The following TRAPPC9 variants were observed in gnomAD, a reference collection of about 807,000 sequenced individuals.
TRAPPC9 encodes the protein IKK2 binding protein.
TRAPPC9 carries 83 observed loss-of-function variants against 124.0 expected under a neutral mutation model. That is an observed-to-expected ratio of 0.67 (90% CI 0.56 to 0.80). The LOEUF is 0.80. TRAPPC9 is among the 30% of genes least tolerant of loss of function. TRAPPC9 has a pLI of 0.00. For missense variants in TRAPPC9, 1,302 were observed against 1,508.3 expected (o/e 0.86, Z 2.27); for synonymous variants, 638 against 617.5 (o/e 1.03, Z -0.49).
intron 16 of TRAPPC9, 73 bp from the exon 17 acceptor site, chr8:140,221,656 T>G: frequency 1.3e-6 from 2 of 1,538,250 alleles, no homozygotes; most frequent in Non-Finnish European, 1.8e-6. Flanking sequence ...TGTTGTTGTT[T>G]GGGACGGGTC....
chr8:139,844,678 G>T (rs954082531), intron 21 of TRAPPC9, among the ~76,000 whole-genome samples: 2 of 152,220 alleles, frequency 1.3e-5, no homozygotes, highest in Admixed American at 1.3e-4. Flanking sequence ...CTGCTGGCAT[G>T]GACTGCTGGT....
At chr8:140,328,440 C>T (rs530923124) in intron 9 of TRAPPC9, among the ~76,000 whole-genome samples, 1 of 151,108 alleles carries the variant, frequency 6.6e-6, no homozygotes, top group South Asian at 2.1e-4. Flanking sequence ...TAAAAAGCAA[C>T]CTGGATGAGA....
At chr8:140,217,684 G>A (rs1270997148) in intron 17 of TRAPPC9, among the ~76,000 whole-genome samples, 2 of 152,178 alleles carry the variant, frequency 1.3e-5, no homozygotes, top group African/African-American at 2.4e-5. Flanking sequence ...AACACAGATC[G>A]TGAAAGGGCC....
intron 1 of TRAPPC9, among the ~76,000 whole-genome samples, chr8:140,453,663 T>C (rs998983369): frequency 6.6e-6 from 1 of 152,210 alleles, no homozygotes; most frequent in Non-Finnish European, 1.5e-5. Flanking sequence ...GTATATTACA[T>C]GTGTGTGACT....
chr8:140,010,961 T>G (rs985985393), intron 18 of TRAPPC9, among the ~76,000 whole-genome samples: 6 of 152,188 alleles, frequency 3.9e-5, no homozygotes, highest in Non-Finnish European at 7.3e-5. Flanking sequence ...TGAGGAGACC[T>G]AGATTTACTG....
At chr8:140,398,813 T>C (rs975536243) in intron 6 of TRAPPC9, among the ~76,000 whole-genome samples, 1 of 152,238 alleles carries the variant, frequency 6.6e-6, no homozygotes. Context: ...TTTGCATAAG[T>C]AAGAGGCAGC....
At chr8:140,055,818 T>C (rs1842257046) in intron 17 of TRAPPC9, among the ~76,000 whole-genome samples, 1 of 152,096 alleles carries the variant, frequency 6.6e-6, no homozygotes, top group Non-Finnish European at 1.5e-5. Flanking sequence ...GACTTGTACA[T>C]TGAAAACTAC....
chr8:140,379,353 G>A (rs1364630812), intron 7 of TRAPPC9, among the ~76,000 whole-genome samples: 1 of 152,138 alleles, frequency 6.6e-6, no homozygotes, highest in Non-Finnish European at 1.5e-5. Context: ...TCTTATTTAT[G>A]TGCGACCGTG....
In TRAPPC9 at chr8:139,800,884, TCTTCCCGCCCTCCGGTAC is replaced by T. The variant is rs1349379458; in HGVS notation, c.3056-68700_3056-68683del. Among the ~76,000 whole-genome samples the T allele has an allele frequency of 3.0e-4, 41 of 134,474 alleles. No homozygotes were observed. In the East Asian group the frequency reaches 8.7e-3, roughly 29 times the overall value. 88.2% of individuals were successfully genotyped at this position (134,474 alleles called of 152,430 possible). On this transcript the variant is annotated intron_variant, in intron 21 of 22. Coordinates refer to ENST00000438773, the MANE Select transcript of TRAPPC9 (RefSeq NM_001160372.4). ...CTCCGGTATCTCCCTCCCTCTGGTATCTTCCCGCCCTCCGGTACCTTCCCTCCCTCCGGTACCTTCCCT... is the reference window on the plus strand; with the variant it reads ...CTCCGGTATCTCCCTCCCTCTGGTATCTTCCCTCCCTCCGGTACCTTCCCT...
chr8:140,292,408 C>A lies in TRAPPC9; in HGVS notation c.1769-1330G>T, dbSNP rs570299837. 2.0e-5 allele frequency among the ~76,000 whole-genome samples: 3 copies of A among 152,312 alleles called. No individual in the cohort carries two copies. The South Asian group carries it at 6.2e-4, about 32-fold the overall frequency. The stretch of plus-strand genomic sequence containing the variant: ...CCTCTGAACTCAGAGGCACCCCGAG[C>A]AGACACGGGTGGCTAACAGGGCAGT... On this transcript the variant is annotated intron_variant, in intron 11 of 22. Coordinates refer to ENST00000438773, the MANE Select transcript of TRAPPC9 (RefSeq NM_001160372.4).
chr8:140,195,002 G>C (rs1175544383), intron 17 of TRAPPC9, among the ~76,000 whole-genome samples: 2 of 151,260 alleles, frequency 1.3e-5, no homozygotes, highest in Non-Finnish European at 2.9e-5. Context: ...AGGTTCTACT[G>C]TACAGATCAC....
At chr8:139,801,016 T>TCTTCCCTCCCTCCGGTAC (rs1563823900) in intron 21 of TRAPPC9, among the ~76,000 whole-genome samples, 2 of 126,494 alleles carry the variant, frequency 1.6e-5, no homozygotes, top group African/African-American at 3.2e-5. Flanking sequence ...CCCTCCGGCA[T>TCTTCCCTCCCTCCGGTAC]CTTCCCTCCC....
chr8:140,016,649 C>T (rs1839483675), intron 18 of TRAPPC9, among the ~76,000 whole-genome samples: 1 of 152,170 alleles, frequency 6.6e-6, no homozygotes, highest in Admixed American at 6.5e-5. Flanking sequence ...AGGAGTATTC[C>T]ATTGTGTGGC....
intron 5 of TRAPPC9, among the ~76,000 whole-genome samples, chr8:140,419,428 CAAAAAAAAAAAAA>C (rs61155157): frequency 1.3e-5 from 1 of 79,590 alleles, no homozygotes; most frequent in Admixed American, 1.8e-4. Context: ...GACTCCGTCT[CAAAAAAAAAAAAA>C]AAAAAAAAAA....
chr8:140,019,154 C>A (rs1355704655), intron 18 of TRAPPC9, among the ~76,000 whole-genome samples: 1 of 152,138 alleles, frequency 6.6e-6, no homozygotes, highest in Non-Finnish European at 1.5e-5. Context: ...CTGAGTAAAA[C>A]CTGAATTGTT....
intron 9 of TRAPPC9, among the ~76,000 whole-genome samples, chr8:140,337,262 C>T (rs1036158596): frequency 2.6e-5 from 4 of 152,160 alleles, no homozygotes; most frequent in African/African-American, 7.2e-5. Context: ...CACATGAAGG[C>T]ACATGTTACA....
At chr8:139,996,270 T>C (rs982780848) in intron 18 of TRAPPC9, among the ~76,000 whole-genome samples, 1 of 142,564 alleles carries the variant, frequency 7.0e-6, no homozygotes, top group Non-Finnish European at 1.5e-5. Context: ...AGAAAGAATA[T>C]AAGATAAACA....
chr8:140,373,471 C>G (rs951834396), intron 7 of TRAPPC9, among the ~76,000 whole-genome samples: 1 of 152,210 alleles, frequency 6.6e-6, no homozygotes, highest in Admixed American at 6.5e-5. Flanking sequence ...CAGCGGGAAG[C>G]TGCTGCTTCT....
chr8:140,147,841 G>A (rs914943646), intron 17 of TRAPPC9, among the ~76,000 whole-genome samples: 21 of 152,256 alleles, frequency 1.4e-4, no homozygotes, highest in Non-Finnish European at 2.5e-4. Flanking sequence ...ACACGGCGGC[G>A]GCTCAGGACA....
Sources: allele counts gnomAD v4.1 joint callset (sites outside exome capture counted in the v4.1 genomes callset), GRCh38; gene constraint gnomAD v4.1.1; transcripts MANE v1.5; gene names NCBI Gene and HGNC (gene_info 2026-07-23, HGNC 2026-07-21).